Variants in LPP observed in about 807,000 individuals in gnomAD.
LPP encodes the protein lipoma-preferred partner.
A neutral mutation model predicts 60.4 loss-of-function variants in LPP; 38 were observed. The ratio of observed to expected loss-of-function variants is 0.63; its 90% CI spans 0.49 to 0.83. The LOEUF is 0.83. Ranked by LOEUF, LPP falls within the 40% of genes least tolerant of loss-of-function variation. The probability of loss-of-function intolerance (pLI) is 0.00; values close to 1 mark genes in which losing one functional copy is unlikely to be tolerated. For missense variants in LPP, 902 were observed against 783.6 expected (o/e 1.15, Z -1.80); for synonymous variants, 328 against 290.8 (o/e 1.13, Z -1.30).
intron 2 of LPP, among the ~76,000 whole-genome samples, chr3:188,302,169 C>T (rs1008195060): frequency 6.6e-6 from 1 of 152,126 alleles, no homozygotes; most frequent in Non-Finnish European, 1.5e-5. Flanking sequence ...TGCATTTACT[C>T]TCTCGTTTAA....
At chr3:188,747,250 C>G (rs1726538659) in intron 8 of LPP, among the ~76,000 whole-genome samples, 1 of 152,134 alleles carries the variant, frequency 6.6e-6, no homozygotes, top group African/African-American at 2.4e-5. Flanking sequence ...GGTCTATAAG[C>G]TCTTACAGGT....
chr3:188,569,569 T>C (rs1833032491), intron 6 of LPP, among the ~76,000 whole-genome samples: 1 of 152,056 alleles, frequency 6.6e-6, no homozygotes, highest in Non-Finnish European at 1.5e-5. Context: ...ATTGAGAAGT[T>C]ACTGTATCAC....
At chr3:188,373,268 T>C (rs1021278886) in intron 3 of LPP, among the ~76,000 whole-genome samples, 4 of 152,200 alleles carry the variant, frequency 2.6e-5, no homozygotes, top group African/African-American at 4.8e-5. Context: ...TCTAGATCCC[T>C]GAGGAATCGC....
chr3:188,492,973 T>C (rs989766047), intron 5 of LPP, among the ~76,000 whole-genome samples: 2 of 152,238 alleles, frequency 1.3e-5, no homozygotes, highest in South Asian at 4.1e-4. Flanking sequence ...ACATCAGTAA[T>C]AAACTGTAAC....
intron 4 of LPP, among the ~76,000 whole-genome samples, chr3:188,414,836 A>C (rs916112494): frequency 6.6e-6 from 1 of 152,114 alleles, no homozygotes; most frequent in Admixed American, 6.6e-5. Context: ...TAAGTGGGGA[A>C]GCCAAGCCAT....
At chr3:188,726,733 G>T (rs549091703) in intron 8 of LPP, among the ~76,000 whole-genome samples, 42 of 152,158 alleles carry the variant, frequency 2.8e-4, no homozygotes, top group African/African-American at 9.4e-4. Context: ...TTTGTTTGAT[G>T]AATTATTATT....
At chr3:188,753,013 GGGTT>G (rs1160116094) in intron 8 of LPP, among the ~76,000 whole-genome samples, 1 of 152,166 alleles carries the variant, frequency 6.6e-6, no homozygotes, top group African/African-American at 2.4e-5. Context: ...AGGTGTTAAT[GGGTT>G]CTGCTCCTAA....
rs10565240 is a variant in LPP at position 188,582,154 on chromosome 3, C to CTTTTTTTTTTTT, written c.430-26994_430-26983dup. Among the ~76,000 whole-genome samples the CTTTTTTTTTTTT allele has an allele frequency of 5.5e-3, 563 of 102,160 alleles. 4 individuals carry two copies. Among genetic ancestry groups the CTTTTTTTTTTTT allele is most frequent in the Non-Finnish European group, 7.9e-3 (423 of 53,732 alleles). 67.0% of individuals were successfully genotyped at this position (102,160 alleles called of 152,430 possible). ...AATGTCGTTTTACCTTTTTCTTTTT[C>CTTTTTTTTTTTT]TTTTTTTTTTTTTTTTTTTTTTTTG... On this transcript the variant is annotated intron_variant, in intron 6 of 11. Transcript: ENST00000617246.
intron 10 of LPP, among the ~76,000 whole-genome samples, chr3:188,869,598 G>A (rs1463272791): frequency 6.6e-6 from 1 of 152,158 alleles, no homozygotes; most frequent in African/African-American, 2.4e-5. Context: ...GCCTTAGTCT[G>A]CGTTTTAAAC....
chr3:188,757,419 A>C (rs1160021560), intron 8 of LPP, among the ~76,000 whole-genome samples: 1 of 152,240 alleles, frequency 6.6e-6, no homozygotes, highest in Non-Finnish European at 1.5e-5. Context: ...ATGAGTAGCT[A>C]TCAAACTCTC....
intron 1 of LPP, among the ~76,000 whole-genome samples, chr3:188,203,262 AAT>A: frequency 8.1e-6 from 1 of 123,798 alleles, no homozygotes; most frequent in East Asian, 2.2e-4. Flanking sequence ...AGTATAGTAA[AAT>A]ATATAATATA....
At chr3:188,646,413 A>G (rs372890439) in intron 7 of LPP, among the ~76,000 whole-genome samples, 2 of 152,264 alleles carry the variant, frequency 1.3e-5, no homozygotes, top group East Asian at 3.9e-4. Flanking sequence ...AATGATGCTG[A>G]TTTTATCTGT....
At chr3:188,255,029 C>G (rs1731191688) in intron 2 of LPP, among the ~76,000 whole-genome samples, 1 of 152,174 alleles carries the variant, frequency 6.6e-6, no homozygotes, top group African/African-American at 2.4e-5. Context: ...AAGTATTACT[C>G]CTGCCATGGC....
At chr3:188,700,205 T>C (rs967463788) in intron 7 of LPP, among the ~76,000 whole-genome samples, 1 of 152,212 alleles carries the variant, frequency 6.6e-6, no homozygotes, top group African/African-American at 2.4e-5. Context: ...TGGCTGCCTT[T>C]TCCCGGTGTT....
chr3:188,761,077 G>T (rs1353464335), intron 9 of LPP, among the ~76,000 whole-genome samples: 1 of 152,078 alleles, frequency 6.6e-6, no homozygotes, highest in African/African-American at 2.4e-5. Context: ...CTATCCTTCA[G>T]CATGATTTTA....
intron 7 of LPP, among the ~76,000 whole-genome samples, chr3:188,674,931 A>G (rs139988116): frequency 3.3e-5 from 5 of 152,368 alleles, no homozygotes; most frequent in Admixed American, 2.6e-4. Flanking sequence ...TTTAGCAACT[A>G]GAAGTGTGTG....
chr3:188,410,430 C>T (rs1325526710), intron 4 of LPP, among the ~76,000 whole-genome samples: 2 of 152,156 alleles, frequency 1.3e-5, no homozygotes, highest in Non-Finnish European at 2.9e-5. Flanking sequence ...ACATGTTTTC[C>T]ACATCAACTT....
intron 8 of LPP, among the ~76,000 whole-genome samples, chr3:188,756,922 GC>G (rs1730456731): frequency 6.6e-6 from 1 of 152,198 alleles, no homozygotes; most frequent in Non-Finnish European, 1.5e-5. Flanking sequence ...TGTTTTCATA[GC>G]TGAGAAGGCA....
At chr3:188,184,190 C>A (rs138212032) in intron 1 of LPP, among the ~76,000 whole-genome samples, 78 of 152,286 alleles carry the variant, frequency 5.1e-4, no homozygotes, top group African/African-American at 1.8e-3. Flanking sequence ...GGGTAAAAAT[C>A]TGTGGATAGG....
Sources: allele counts gnomAD v4.1 joint callset (sites outside exome capture counted in the v4.1 genomes callset), GRCh38; gene constraint gnomAD v4.1.1; transcripts MANE v1.5; gene names NCBI Gene and HGNC (gene_info 2026-07-23, HGNC 2026-07-21).